Variants in BCAS2 observed in about 807,000 individuals in gnomAD.
BCAS2 encodes BCAS2 pre-mRNA processing factor.
BCAS2 carries 34 observed loss-of-function variants against 35.3 expected under a neutral mutation model. The observed-to-expected ratio is 0.96, with a 90% confidence interval of 0.73 to 1.28. The LOEUF is 1.28. Ranked by LOEUF, BCAS2 falls within the 50% of genes most tolerant of loss-of-function variation. BCAS2 has a pLI of 0.00. For missense variants in BCAS2, 221 were observed against 268.1 expected, an observed-to-expected ratio of 0.82 and a Z score of 1.23; for synonymous variants, 75 against 91.6, an observed-to-expected ratio of 0.82 and a Z score of 1.03.
At chr1:114,577,697 T>C (rs1432896946) in intron 2 of BCAS2, among the ~76,000 whole-genome samples, 1 of 152,240 alleles carries the variant, frequency 6.6e-6, no homozygotes. Flanking sequence ...GTAGTATAGC[T>C]GTTCCTCTTT....
In BCAS2 at chr1:114,581,154, C is replaced by T. The variant is rs1654880153; in HGVS notation, c.186+145G>A. On this transcript the variant is annotated intron_variant, in intron 2 of 6. Transcript: ENST00000369541. ...AGAACCTCGGAGAAGACTTATCTAT[C>T]TAGTTGTTTTCAATAGACTGACACC... is the stretch of plus-strand genomic sequence containing the variant. 60 of 805,944 alleles carry T rather than the reference C, an allele frequency of 7.4e-5. 1 individual carries two copies. In the South Asian group the frequency reaches 8.9e-4, roughly 12 times the overall value. 49.9% of individuals were successfully genotyped at this position (805,944 alleles called of 1,614,324 possible).
rs1490869734 is a variant in BCAS2 at position 114,571,668 on chromosome 1, A to T, written c.420-918T>A. Reference sequence around the variant, plus strand: ...CCACACGGCCTTTTGTCACTTCTTAAACTGTCATGACTTCTTGTCATAGAA... The same window carrying T: ...CCACACGGCCTTTTGTCACTTCTTATACTGTCATGACTTCTTGTCATAGAA... On this transcript the variant is annotated intron_variant, in intron 4 of 6. Coordinates refer to ENST00000369541, the MANE Select transcript of BCAS2 (RefSeq NM_005872.3). Among the ~76,000 whole-genome samples, 3 of 152,270 alleles carry T rather than the reference A, an allele frequency of 2.0e-5. No homozygotes were observed. In the East Asian group the frequency reaches 5.8e-4, roughly 29 times the overall value.
Position 114,576,711 on chromosome 1 carries a change from T to C in BCAS2, c.234A>G (p.Pro78=), listed in dbSNP as rs538053862. The change falls in exon 3 of 7, where the codon CCA becomes CCG. Residue 78 remains proline (P), a synonymous_variant. Coordinates refer to ENST00000369541, the MANE Select transcript of BCAS2 (RefSeq NM_005872.3). ...NEFERLAARQ[P]IELLSMKRYE... ...ACCGTTTCATACTGAGCAATTCAATTGGTTGTCGAGCAGCCAGTCTTTCAA... is the reference window on the plus strand; with the variant it reads ...ACCGTTTCATACTGAGCAATTCAATCGGTTGTCGAGCAGCCAGTCTTTCAA... 11 of 1,611,666 alleles carry C rather than the reference T, an allele frequency of 6.8e-6. No homozygotes were observed. Among genetic ancestry groups the C allele is most frequent in the East Asian group, 2.2e-5 (1 of 44,864 alleles).
Position 114,570,608 on chromosome 1 carries a change from G to A in BCAS2, c.470+92C>T, listed in dbSNP as rs1654619863. 7 of 872,084 alleles carry A rather than the reference G, an allele frequency of 8.0e-6. 1 individual carries two copies. Among genetic ancestry groups the A allele is most frequent in the South Asian group, 4.8e-5 (3 of 62,588 alleles). The allele number at this position is 872,084 out of a possible 1,614,324, so 54.0% of individuals were successfully genotyped here. ...GTGGATCAATTGTTTACTTTCATCT[G>A]GCTGCAGTCTCTTTGCTTTCTTTTT... On this transcript the variant is annotated intron_variant, in intron 5 of 6. Coordinates refer to ENST00000369541, the MANE Select transcript of BCAS2 (RefSeq NM_005872.3).
chr1:114,581,385 C>A lies in BCAS2; in HGVS notation c.100G>T (p.Ala34Ser). ...EAPGVREAAA[A>S]LVEEETRRYR... Reference sequence around the variant, plus strand: ...CTGCGAGTTTCCTCCTCCACCAGCGCTGCAGCCTAAGAAAGAGAATAGGGA... The same window carrying A: ...CTGCGAGTTTCCTCCTCCACCAGCGATGCAGCCTAAGAAAGAGAATAGGGA... Residue 34 changes from alanine to serine, a missense_variant, in exon 2 of 7, where the codon GCG becomes TCG. Transcript: ENST00000369541. 1.2e-6 allele frequency: 2 copies of A among 1,614,186 alleles called. No homozygotes were observed. The highest frequency in any genetic ancestry group is 1.7e-5 in the Admixed American group (1 of 60,020).
intron 2 of BCAS2, 35 bp from the exon 3 acceptor site, chr1:114,576,793 C>A: frequency 6.6e-7 from 1 of 1,506,652 alleles, no homozygotes; most frequent in Non-Finnish European, 9.2e-7. Flanking sequence ...TTTCTAAGAT[C>A]ATGTTGACAA....
chr1:114,581,402 G>C lies in BCAS2; in HGVS notation c.94-11C>G, dbSNP rs1654886663. 3 of 1,614,148 alleles carry C rather than the reference G, an allele frequency of 1.9e-6. No individual in the cohort carries two copies. Among genetic ancestry groups the C allele is most frequent in the African/African-American group, 1.3e-5 (1 of 75,028 alleles). On this transcript the variant is annotated splice_polypyrimidine_tract_variant and intron_variant, in intron 1 of 6. Transcript: ENST00000369541. The stretch of plus-strand genomic sequence containing the variant: ...CACCAGCGCTGCAGCCTAAGAAAGA[G>C]AATAGGGACCAGGGTAGAAGTGGCA...
At chr1:114,569,507 CTT>C (rs79526850) in intron 6 of BCAS2, among the ~76,000 whole-genome samples, 4 of 142,748 alleles carry the variant, frequency 2.8e-5, no homozygotes, top group Admixed American at 7.0e-5. Context: ...AATTTTTTTC[CTT>C]TTTTTTTTTT....
chr1:114,571,361 T>A (rs1654637211), intron 4 of BCAS2, among the ~76,000 whole-genome samples: 1 of 151,906 alleles, frequency 6.6e-6, no homozygotes, highest in Non-Finnish European at 1.5e-5. Flanking sequence ...GTACCCAGCT[T>A]TTTTTTGCGG....
intron 2 of BCAS2, among the ~76,000 whole-genome samples, chr1:114,580,600 T>G (rs1296298392): frequency 1.3e-5 from 2 of 152,206 alleles, no homozygotes; most frequent in Non-Finnish European, 2.9e-5. Context: ...TATTGTATTT[T>G]TCTGTATTCA....
At chr1:114,570,833 A>C in intron 4 of BCAS2, 83 bp from the exon 5 acceptor site, 1 of 969,066 alleles carries the variant, frequency 1.0e-6, no homozygotes, top group East Asian at 2.6e-5. Flanking sequence ...TTTCTGCCAA[A>C]AATCATATTT....
In BCAS2 at chr1:114,568,188, T is replaced by G. The variant is rs773636027; in HGVS notation, c.620A>C (p.Tyr207Ser). ...CTCTCCATGTTGCTGCTTAATTTGA[T>G]AGATTTCATTTTCTAGCTGAACAAT... ...RTIVQLENEI[Y>S]QIKQQHGEAN... The change falls in exon 7 of 7, where the codon TAT (tyrosine) becomes TCT (serine). Residue 207 changes from tyrosine (Y) to serine (S), a missense_variant. Transcript: ENST00000369541. 6.2e-7 allele frequency: 1 copy of G among 1,613,960 alleles called. No homozygotes were observed. Among genetic ancestry groups the G allele is most frequent in the Non-Finnish European group, 8.5e-7 (1 of 1,179,976 alleles).
At chr1:114,568,293 A>T (rs759787077) in intron 6 of BCAS2, 37 bp from the exon 7 acceptor site, 2 of 1,597,126 alleles carry the variant, frequency 1.3e-6, no homozygotes, top group Admixed American at 3.5e-5. Context: ...AAATTACTCA[A>T]TGTAAAACTT....
rs1331633418 is a variant in BCAS2, at chr1:114,568,034, G to A, written c.*96C>T. On this transcript the variant is annotated 3_prime_UTR_variant, in exon 7 of 7. Transcript: ENST00000369541. Reference sequence around the variant, plus strand: ...GATTTCTAAACACTTAAACATCAATGGTTTTGGGAAGATGCTGTTGTCCTT... The same window carrying A: ...GATTTCTAAACACTTAAACATCAATAGTTTTGGGAAGATGCTGTTGTCCTT... 2.0e-6 allele frequency: 3 copies of A among 1,488,418 alleles called. No homozygotes were observed. The highest frequency in any genetic ancestry group is 2.8e-6 in the Non-Finnish European group (3 of 1,085,424). The allele number at this position is 1,488,418 out of a possible 1,614,324, so 92.2% of individuals were successfully genotyped here.
At position 114,570,173 on chromosome 1, in the gene BCAS2, A is replaced by G. The variant is rs1654610270; in HGVS notation, c.471-101T>C. ...GAGAATATCTTAATCCCATGAGAACAATATTATGTACAGTTATAGGCTAAC... is the reference window on the plus strand; with the variant it reads ...GAGAATATCTTAATCCCATGAGAACGATATTATGTACAGTTATAGGCTAAC... On this transcript the variant is annotated intron_variant, in intron 5 of 6. Coordinates refer to ENST00000369541, the MANE Select transcript of BCAS2 (RefSeq NM_005872.3). 5.0e-6 allele frequency: 4 copies of G among 802,546 alleles called. 1 individual carries two copies. The highest frequency in any genetic ancestry group is 4.8e-5 in the South Asian group (3 of 62,896). The allele number at this position is 802,546 out of a possible 1,614,324, so 49.7% of individuals were successfully genotyped here.
At position 114,569,950 on chromosome 1, in the gene BCAS2, G is replaced by A. The variant is rs533958795; in HGVS notation, c.551+42C>T. On this transcript the variant is annotated intron_variant, in intron 6 of 6. Transcript: ENST00000369541. ...CATATTATTGAATCGACCTTAGAAAGGGCTAAACAATTTAAAAGATGATGG... is the reference window on the plus strand; with the variant it reads ...CATATTATTGAATCGACCTTAGAAAAGGCTAAACAATTTAAAAGATGATGG... 8.9e-6 allele frequency: 13 copies of A among 1,467,100 alleles called. No individual in the cohort carries two copies. The Admixed American group carries it at 1.2e-4, about 14-fold the overall frequency. 90.9% of individuals were successfully genotyped at this position (1,467,100 alleles called of 1,614,324 possible). A position where few individuals can be genotyped will look rare whatever the true frequency, so the allele number is the denominator to read the frequency against.
At position 114,576,776 on chromosome 1, in the gene BCAS2, A is replaced by G. The variant is rs764256314; in HGVS notation, c.187-18T>C. On this transcript the variant is annotated intron_variant, in intron 2 of 6. Transcript: ENST00000369541. Reference sequence around the variant, plus strand: ...ATGTCAGTCTGATGTGTAAATCAGAAAAAAGATTTCTAAGATCATGTTGAC... The same window carrying G: ...ATGTCAGTCTGATGTGTAAATCAGAGAAAAGATTTCTAAGATCATGTTGAC... The G allele has an allele frequency of 1.1e-5, 18 of 1,586,522 alleles. 1 individual carries two copies. In the East Asian group the frequency reaches 3.1e-4, roughly 28 times the overall value.
rs761932399 is a variant in BCAS2, at chr1:114,581,556, C to G, written c.36G>C (p.Val12=). The G allele has an allele frequency of 7.4e-6, 12 of 1,613,780 alleles. No homozygotes were observed. The highest frequency in any genetic ancestry group is 4.5e-5 in the East Asian group (2 of 44,868). The change falls in exon 1 of 7, where the codon GTG becomes GTC. Residue 12 remains valine, a synonymous_variant. Coordinates refer to ENST00000369541, the MANE Select transcript of BCAS2 (RefSeq NM_005872.3). The part of the protein sequence containing the change: ...AGTGLVAGEV[V]VDALPYFDQG... ...GATCAAAATACGGCAGCGCATCCAC[C>G]ACAACCTCTCCAGCCACCAAACCTG...
Position 114,572,366 on chromosome 1 carries a change from G to A in BCAS2, c.420-1616C>T, listed in dbSNP as rs371167291. 2.0e-4 allele frequency among the ~76,000 whole-genome samples: 31 copies of A among 152,188 alleles called. 5 individuals are homozygous for A. Among genetic ancestry groups the A allele is most frequent in the Admixed American group, 2.0e-3 (30 of 15,274 alleles). On this transcript the variant is annotated intron_variant, in intron 4 of 6. Transcript: ENST00000369541. ...TATTCCAGACTTCTGACCACTAACA[G>A]GGAGCTTTCCTTTGAATTGGCTCTC...
Sources: gnomAD v4.1 joint callset for allele counts (sites outside exome capture counted in the v4.1 genomes callset) on GRCh38, gnomAD v4.1.1 for gene constraint, MANE v1.5 for transcripts, NCBI Gene and HGNC (gene_info 2026-07-23, HGNC 2026-07-21) for gene names.